The following MINDY4 variants were observed in gnomAD, a reference collection of about 807,000 sequenced individuals.
MINDY4 encodes the protein probable ubiquitin carboxyl-terminal hydrolase MINDY-4.
In MINDY4, 68 loss-of-function variants were observed where a neutral mutation model predicts 87.0. The ratio of observed to expected loss-of-function variants is 0.78; its 90% CI spans 0.64 to 0.96. The LOEUF (loss-of-function observed/expected upper bound fraction) is 0.96. MINDY4 is among the 40% of genes least tolerant of loss of function. The pLI is 0.00. For synonymous variants in MINDY4, 379 were observed against 363.2 expected, an observed-to-expected ratio of 1.04 and a Z score of -0.50; for missense variants, 919 against 928.2, an observed-to-expected ratio of 0.99 and a Z score of 0.13.
At chr7:30,831,572 G>T (rs2128563705) in intron 6 of MINDY4, among the ~76,000 whole-genome samples, 1 of 152,312 alleles carries the variant, frequency 6.6e-6, no homozygotes, top group African/African-American at 2.4e-5. Flanking sequence ...GTGAGAGAGG[G>T]TGGAGGTTTC....
chr7:30,828,435 A>G (rs1467088774), intron 5 of MINDY4, among the ~76,000 whole-genome samples: 1 of 152,110 alleles, frequency 6.6e-6, no homozygotes, highest in Non-Finnish European at 1.5e-5. Context: ...ACCATCCTGT[A>G]TTGGCTGGTG....
intron 12 of MINDY4, chr7:30,857,823 T>C (rs1789624961): frequency 6.6e-6 from 1 of 152,170 alleles, no homozygotes; most frequent in African/African-American, 2.4e-5. Context: ...AATACAATCT[T>C]TTTAAAAAGA....
At chr7:30,813,121 G>C (rs941927620) in intron 5 of MINDY4, among the ~76,000 whole-genome samples, 1 of 152,150 alleles carries the variant, frequency 6.6e-6, no homozygotes, top group South Asian at 2.1e-4. Flanking sequence ...GATTTTGGAG[G>C]GGGTACTTTC....
At chr7:30,780,905 C>G (rs1042476165) in intron 2 of MINDY4, 1 of 152,188 alleles carries the variant, frequency 6.6e-6, no homozygotes, top group Non-Finnish European at 1.5e-5. Context: ...TAATCTTAGA[C>G]AAAATAGTTT....
chr7:30,786,159 C>A, intron 4 of MINDY4, 167 bp downstream of exon 4: 1 of 881,200 alleles, frequency 1.1e-6, no homozygotes, highest in Non-Finnish European at 1.7e-6. Flanking sequence ...GCTCTACTGT[C>A]AATGACACGT....
intron 5 of MINDY4, among the ~76,000 whole-genome samples, chr7:30,825,212 C>A (rs762499975): frequency 2.6e-5 from 4 of 152,206 alleles, no homozygotes; most frequent in African/African-American, 9.6e-5. Context: ...TTTAAACTGA[C>A]CTTTTAAACT....
chr7:30,839,532 A>C (rs59578124), intron 8 of MINDY4, among the ~76,000 whole-genome samples: 22,874 of 152,176 alleles, frequency 0.15, 1,877 homozygotes, highest in Middle Eastern at 0.27. Flanking sequence ...TGGAGATGTT[A>C]AAATTGAACA....
rs1786896532 is a variant in MINDY4, at chr7:30,778,464, G to C, written c.96G>C (p.Gln32His). Reference protein sequence around the residue: ...GLKKTCVTMDQERPRSDLSIN... With the variant: ...GLKKTCVTMDHERPRSDLSIN... ...AGAAGACATGTGTGACCATGGACCA[G>C]GAACGCCCACGCTCTGACCTCAGCA... The change falls in exon 2 of 18, where the codon CAG becomes CAC. Residue 32 changes from glutamine (Q) to histidine (H), a missense_variant. Gln to His is a conservative substitution (Grantham distance 24). Coordinates refer to ENST00000265299, the MANE Select transcript of MINDY4 (RefSeq NM_032222.3). The C allele has an allele frequency of 6.2e-7, 1 of 1,614,066 alleles. No individual in the cohort carries two copies. The highest frequency in any genetic ancestry group is 1.1e-5 in the South Asian group (1 of 91,078).
chr7:30,798,911 TG>T (rs1364547571), intron 5 of MINDY4, among the ~76,000 whole-genome samples: 1 of 152,206 alleles, frequency 6.6e-6, no homozygotes, highest in Non-Finnish European at 1.5e-5. Flanking sequence ...TGAGCTGTCC[TG>T]TTACTTTTGT....
At chr7:30,836,921 G>T (rs1206703217) in intron 7 of MINDY4, among the ~76,000 whole-genome samples, 157 bp downstream of exon 7, 1 of 152,150 alleles carries the variant, frequency 6.6e-6, no homozygotes, top group Non-Finnish European at 1.5e-5. Context: ...TGTGAACCGA[G>T]AGTCAGGAAA....
chr7:30,788,258 C>G (rs1787213790), intron 4 of MINDY4, among the ~76,000 whole-genome samples: 1 of 152,124 alleles, frequency 6.6e-6, no homozygotes, highest in Admixed American at 6.5e-5. Flanking sequence ...GATACTACAC[C>G]AAAACTAGAC....
chr7:30,873,505 C>G (rs531910602), intron 14 of MINDY4, among the ~76,000 whole-genome samples: 6 of 152,318 alleles, frequency 3.9e-5, no homozygotes. Context: ...AATGAATCCC[C>G]TAGGGGTCTT....
At chr7:30,865,246 TC>T (rs1789898144) in intron 13 of MINDY4, among the ~76,000 whole-genome samples, 1 of 152,190 alleles carries the variant, frequency 6.6e-6, no homozygotes, top group South Asian at 2.1e-4. Context: ...TAAGTGTCCT[TC>T]CTACCCAGCA....
At chr7:30,828,850 G>T (rs564666632) in intron 6 of MINDY4, 113 bp downstream of exon 6, 14 of 923,406 alleles carry the variant, frequency 1.5e-5, no homozygotes, top group Non-Finnish European at 2.3e-5. Context: ...TGACCTCAGC[G>T]AGTGGGGCTG....
At chr7:30,879,460 G>A (rs936182577) in intron 15 of MINDY4, among the ~76,000 whole-genome samples, 2 of 152,170 alleles carry the variant, frequency 1.3e-5, no homozygotes, top group East Asian at 1.9e-4. Context: ...ATGGCAGCCC[G>A]AGCAGACTAA....
intron 15 of MINDY4, among the ~76,000 whole-genome samples, chr7:30,876,572 G>A (rs1790265077): frequency 6.6e-6 from 1 of 152,194 alleles, no homozygotes; most frequent in African/African-American, 2.4e-5. Context: ...ATGGGTGACT[G>A]TACCTCTGGA....
chr7:30,778,445 CAT>C lies in MINDY4; in HGVS notation c.78_79del (p.Val28AspfsTer10), dbSNP rs767437245. Reference sequence around the variant, plus strand: ...TTCTTCCCTCAGGGCTTAAAGAAGACATGTGTGACCATGGACCAGGAACGCCC... The same window carrying C: ...TTCTTCCCTCAGGGCTTAAAGAAGACGTGTGACCATGGACCAGGAACGCCC... On this transcript the variant is annotated frameshift_variant, in exon 2 of 18. Transcript: ENST00000265299. LOFTEE classifies it high-confidence loss of function. 55 of 1,614,240 alleles carry C rather than the reference CAT, an allele frequency of 3.4e-5. No individual in the cohort carries two copies. Among genetic ancestry groups the C allele is most frequent in the Admixed American group, 1.3e-4 (8 of 60,024 alleles).
intron 5 of MINDY4, among the ~76,000 whole-genome samples, chr7:30,807,565 A>T (rs991103664): frequency 5.9e-5 from 9 of 152,184 alleles, no homozygotes; most frequent in African/African-American, 1.9e-4. Flanking sequence ...CTTATGCCCA[A>T]TTTCTGCCTC....
rs112973723 is a variant in MINDY4 at position 30,773,910 on chromosome 7, G to A, written c.63+2354G>A. 5.9e-5 allele frequency among the ~76,000 whole-genome samples: 9 copies of A among 152,046 alleles called. 2 individuals are homozygous for A. The highest frequency in any genetic ancestry group is 2.2e-4 in the African/African-American group (9 of 41,454). ...CTCTCACCCACCCATCCTTATAATT[G>A]CACCCTCCATAACAGGTGCAGCTCT... is the stretch of plus-strand genomic sequence containing the variant. On this transcript the variant is annotated intron_variant, in intron 1 of 17. Transcript: ENST00000265299.
Sources: allele counts gnomAD v4.1 joint callset (sites outside exome capture counted in the v4.1 genomes callset), GRCh38; gene constraint gnomAD v4.1.1; transcripts MANE v1.5; gene names NCBI Gene and HGNC (gene_info 2026-07-23, HGNC 2026-07-21).